Variants in FMNL2 observed in about 807,000 individuals in gnomAD.
FMNL2 encodes formin like 2.
In FMNL2, 51 loss-of-function variants were observed where a neutral mutation model predicts 130.2. The observed-to-expected ratio is 0.39, with a 90% CI of 0.31 to 0.49. FMNL2 has a LOEUF of 0.49. Ranked by LOEUF, FMNL2 falls within the 20% of genes least tolerant of loss-of-function variation. The probability of loss-of-function intolerance (pLI) is 0.85; values close to 1 mark genes in which losing one functional copy is unlikely to be tolerated. For missense variants in FMNL2, 977 were observed against 1,316.2 expected, an observed-to-expected ratio of 0.74 and a Z score of 3.99; for synonymous variants, 465 against 467.1, an observed-to-expected ratio of 1.00 and a Z score of 0.06.
chr2:152,631,239 A>T (rs1682138670), intron 20 of FMNL2, among the ~76,000 whole-genome samples: 1 of 151,794 alleles, frequency 6.6e-6, no homozygotes, highest in Non-Finnish European at 1.5e-5. Context: ...TAGGAAAATT[A>T]GCTGGGCTAA....
At chr2:152,523,076 C>T (rs1204802716) in intron 2 of FMNL2, among the ~76,000 whole-genome samples, 1 of 152,076 alleles carries the variant, frequency 6.6e-6, no homozygotes, top group Non-Finnish European at 1.5e-5. Flanking sequence ...ATTAATTTTA[C>T]TTAAGCATAT....
intron 1 of FMNL2, among the ~76,000 whole-genome samples, chr2:152,420,010 A>G (rs1686825931): frequency 6.6e-6 from 1 of 152,216 alleles, no homozygotes; most frequent in Non-Finnish European, 1.5e-5. Flanking sequence ...AAAACTTGGA[A>G]AGGGATAGGG....
intron 1 of FMNL2, among the ~76,000 whole-genome samples, chr2:152,504,866 G>C (rs1294426327): frequency 1.3e-5 from 2 of 152,138 alleles, no homozygotes; most frequent in Admixed American, 1.3e-4. Flanking sequence ...GACACTCAGA[G>C]TTCTAGAAGG....
chr2:152,629,308 CAT>C (rs1228060012), intron 18 of FMNL2, among the ~76,000 whole-genome samples: 1 of 151,892 alleles, frequency 6.6e-6, no homozygotes, highest in African/African-American at 2.4e-5. Flanking sequence ...AATTGTATGA[CAT>C]GATTAGAGGT....
At chr2:152,577,778 A>C (rs77607965) in intron 7 of FMNL2, among the ~76,000 whole-genome samples, 2,663 of 152,220 alleles carry the variant, frequency 0.017, 77 homozygotes, top group African/African-American at 0.061. Flanking sequence ...AGAACAGTTC[A>C]TTGGGATGGT....
At chr2:152,496,616 G>T (rs1691530847) in intron 1 of FMNL2, among the ~76,000 whole-genome samples, 1 of 152,204 alleles carries the variant, frequency 6.6e-6, no homozygotes, top group African/African-American at 2.4e-5. Context: ...TTGCCAAATA[G>T]TGATTTTTAA....
intron 9 of FMNL2, among the ~76,000 whole-genome samples, chr2:152,604,771 T>C (rs1228107496): frequency 6.6e-6 from 1 of 152,114 alleles, no homozygotes; most frequent in Non-Finnish European, 1.5e-5. Context: ...AATTTTTGTA[T>C]TTTTAGTACA....
At chr2:152,591,501 T>G (rs891272431) in intron 9 of FMNL2, among the ~76,000 whole-genome samples, 1 of 152,148 alleles carries the variant, frequency 6.6e-6, no homozygotes, top group African/African-American at 2.4e-5. Context: ...TTAGGGGAGT[T>G]TGTTAGAAAA....
intron 1 of FMNL2, among the ~76,000 whole-genome samples, chr2:152,491,411 A>T (rs891392162): frequency 6.6e-6 from 1 of 152,138 alleles, no homozygotes; most frequent in Non-Finnish European, 1.5e-5. Context: ...GCCTGCCAGG[A>T]TGCTGCTATT....
chr2:152,589,981 A>ATATATATATG, intron 9 of FMNL2, among the ~76,000 whole-genome samples: 1 of 42,482 alleles, frequency 2.4e-5, no homozygotes, highest in African/African-American at 1.1e-4. Flanking sequence ...ATATATATAT[A>ATATATATATG]TATGTATATG....
At chr2:152,584,518 G>C (rs1230323213) in intron 9 of FMNL2, among the ~76,000 whole-genome samples, 3 of 152,188 alleles carry the variant, frequency 2.0e-5, no homozygotes, top group East Asian at 1.9e-4. Context: ...ATATGCTTTA[G>C]AGTAGCCAGA....
At chr2:152,644,174 T>C (rs1211630775) in intron 25 of FMNL2, among the ~76,000 whole-genome samples, 2 of 152,056 alleles carry the variant, frequency 1.3e-5, no homozygotes, top group Admixed American at 6.6e-5. Context: ...TGAGTGGAGA[T>C]CCCACCAATG....
At chr2:152,388,406 C>T (rs1053070162) in intron 1 of FMNL2, among the ~76,000 whole-genome samples, 5 of 152,154 alleles carry the variant, frequency 3.3e-5, no homozygotes, top group Admixed American at 1.3e-4. Flanking sequence ...CTTCACGTGT[C>T]GGCAGCAAGG....
chr2:152,436,872 A>T (rs535398304), intron 1 of FMNL2, among the ~76,000 whole-genome samples: 8 of 152,136 alleles, frequency 5.3e-5, no homozygotes, highest in Non-Finnish European at 1.0e-4. Context: ...CACGATATTT[A>T]TATGTTCCAA....
intron 18 of FMNL2, among the ~76,000 whole-genome samples, chr2:152,629,448 T>G (rs537885569): frequency 1.3e-5 from 2 of 152,304 alleles, no homozygotes; most frequent in Admixed American, 1.3e-4. Flanking sequence ...GTGAACAGTT[T>G]CAGTAAAGAT....
At position 152,558,730 on chromosome 2, in the gene FMNL2, T is replaced by TTTTC. The variant is rs1553476567; in HGVS notation, c.360-10_360-9insTTTC. ...TTCTCCAATGATTTTTTTTTTTTTTTCCCCAACAGATGGGTCAGAGAATTT... is the reference window on the plus strand; with the variant it reads ...TTCTCCAATGATTTTTTTTTTTTTTTTTTCCCCCAACAGATGGGTCAGAGAATTT... On this transcript the variant is annotated splice_polypyrimidine_tract_variant and intron_variant, in intron 4 of 25. Coordinates refer to ENST00000288670, the MANE Select transcript of FMNL2 (RefSeq NM_052905.4). 789 of 1,562,828 alleles carry TTTTC rather than the reference T, an allele frequency of 5.0e-4. 1 individual carries two copies. The highest frequency in any genetic ancestry group is 1.7e-3 in the Admixed American group (97 of 57,024).
intron 1 of FMNL2, among the ~76,000 whole-genome samples, chr2:152,387,896 C>T (rs1344284119): frequency 6.6e-6 from 1 of 151,884 alleles, no homozygotes; most frequent in Non-Finnish European, 1.5e-5. Flanking sequence ...TCACACAATC[C>T]TCTTGACTCA....
At chr2:152,627,753 A>G (rs1417350450) in intron 17 of FMNL2, among the ~76,000 whole-genome samples, 1 of 152,262 alleles carries the variant, frequency 6.6e-6, no homozygotes, top group East Asian at 1.9e-4. Context: ...ACTTCAAGGA[A>G]TGTATGCACT....
chr2:152,531,188 A>C (rs183525112), intron 2 of FMNL2, among the ~76,000 whole-genome samples: 1 of 152,344 alleles, frequency 6.6e-6, no homozygotes, highest in East Asian at 1.9e-4. Context: ...ACTTCAAGTC[A>C]GTCTAAAACC....
Sources: allele counts gnomAD v4.1 joint callset (sites outside exome capture counted in the v4.1 genomes callset), GRCh38; gene constraint gnomAD v4.1.1; transcripts MANE v1.5; gene names NCBI Gene and HGNC (gene_info 2026-07-23, HGNC 2026-07-21).